PTPRD: variants seen among roughly 807,000 people sequenced by gnomAD.
PTPRD encodes receptor-type tyrosine-protein phosphatase delta.
A neutral mutation model predicts 214.5 loss-of-function variants in PTPRD; 34 were observed. The ratio of observed to expected loss-of-function variants is 0.16; its 90% CI spans 0.12 to 0.21. The LOEUF is 0.21. Among genes scored for constraint, PTPRD ranks in the 10% least tolerant of loss-of-function variants. The pLI, the probability that PTPRD is intolerant of heterozygous loss-of-function variation, is 1.00. For synonymous variants in PTPRD, 1,128 were observed against 845.7 expected (o/e 1.33, Z -5.79); for missense variants, 2,545 against 2,398.7 (o/e 1.06, Z -1.27).
At chr9:9,601,563 T>C (rs2154337903) in intron 7 of PTPRD, among the ~76,000 whole-genome samples, 1 of 152,198 alleles carries the variant, frequency 6.6e-6, no homozygotes, top group East Asian at 1.9e-4. Context: ...GTTAGAGATA[T>C]TTAGATCAGC....
chr9:8,560,001 A>G (rs972258368), intron 14 of PTPRD, among the ~76,000 whole-genome samples: 11 of 152,226 alleles, frequency 7.2e-5, no homozygotes, highest in African/African-American at 2.7e-4. Flanking sequence ...TGTATCATTA[A>G]GAGGAATTTC....
In PTPRD at chr9:10,155,510, C is replaced by T. The variant is rs543309931; in HGVS notation, c.-544-121720G>A. The stretch of plus-strand genomic sequence containing the variant: ...TTGAATAGAAGAGATGAGAGAGGGA[C>T]TCCTTGTCTTGTGACAGTTTTCAAG... On this transcript the variant is annotated intron_variant, in intron 3 of 45. Transcript: ENST00000381196. Among the ~76,000 whole-genome samples the T allele has an allele frequency of 1.3e-5, 2 of 152,236 alleles. 1 individual carries two copies. The highest frequency in any genetic ancestry group is 1.3e-4 in the Admixed American group (2 of 15,278).
intron 11 of PTPRD, among the ~76,000 whole-genome samples, chr9:8,738,324 T>A (rs1476883800): frequency 6.6e-6 from 1 of 152,206 alleles, no homozygotes; most frequent in African/African-American, 2.4e-5. Context: ...AATAAGTATA[T>A]TCATATTCAA....
At chr9:10,075,081 A>C (rs1397735430) in intron 3 of PTPRD, among the ~76,000 whole-genome samples, 1 of 152,120 alleles carries the variant, frequency 6.6e-6, no homozygotes, top group Non-Finnish European at 1.5e-5. Context: ...TTATTGATGC[A>C]AATATTGATA....
intron 12 of PTPRD, among the ~76,000 whole-genome samples, chr9:8,651,318 GGTTCTATGCTCGGGCTCTGAAGGCAT>G (rs1250234816): frequency 3.3e-5 from 5 of 152,064 alleles, no homozygotes; most frequent in Admixed American, 3.3e-4. Context: ...CATGACAACT[GGTTCTATGCTCGGGCTCTGAAGGCAT>G]GTACAAGCAA....
intron 3 of PTPRD, among the ~76,000 whole-genome samples, chr9:10,080,438 T>C (rs2098217678): frequency 6.6e-6 from 1 of 152,038 alleles, no homozygotes; most frequent in Admixed American, 6.6e-5. Flanking sequence ...TGTAATCCAA[T>C]CATGACACAA....
At chr9:8,847,843 T>A (rs2097729190) in intron 11 of PTPRD, among the ~76,000 whole-genome samples, 1 of 152,194 alleles carries the variant, frequency 6.6e-6, no homozygotes, top group African/African-American at 2.4e-5. Context: ...GACATTATAA[T>A]TAACAAAAGT....
At chr9:10,086,585 A>G (rs1444589488) in intron 3 of PTPRD, among the ~76,000 whole-genome samples, 1 of 151,812 alleles carries the variant, frequency 6.6e-6, no homozygotes, top group Non-Finnish European at 1.5e-5. Context: ...TCCTCATTTT[A>G]GGCAAGCAAA....
intron 11 of PTPRD, among the ~76,000 whole-genome samples, chr9:8,944,605 G>T (rs73425760): frequency 0.14 from 21,529 of 151,928 alleles, 1,899 homozygotes; most frequent in Non-Finnish European, 0.2. Context: ...TTTGCAACAA[G>T]GATGGAACTA....
intron 8 of PTPRD, among the ~76,000 whole-genome samples, chr9:9,413,948 T>C (rs1313381651): frequency 6.6e-6 from 1 of 152,214 alleles, no homozygotes; most frequent in Non-Finnish European, 1.5e-5. Context: ...TGAATCCACA[T>C]TTATAAAACT....
chr9:9,026,122 A>G (rs1181013128), intron 10 of PTPRD, among the ~76,000 whole-genome samples: 1 of 65,862 alleles, frequency 1.5e-5, no homozygotes, highest in Non-Finnish European at 4.0e-5. Flanking sequence ...GAGGATAGTC[A>G]GGAAGGCCTT....
intron 33 of PTPRD, among the ~76,000 whole-genome samples, chr9:8,459,847 T>C (rs1339457365): frequency 2.6e-5 from 4 of 152,136 alleles, no homozygotes; most frequent in Admixed American, 2.6e-4. Flanking sequence ...AGATGTGGAA[T>C]AAGAGTTAGA....
intron 2 of PTPRD, among the ~76,000 whole-genome samples, chr9:10,420,210 T>A (rs556833262): frequency 6.6e-6 from 1 of 151,860 alleles, no homozygotes; most frequent in Non-Finnish European, 1.5e-5. Flanking sequence ...ACAAATTGCA[T>A]GTATAATAAT....
chr9:8,644,388 C>G (rs1001667110), intron 12 of PTPRD, among the ~76,000 whole-genome samples: 24 of 152,332 alleles, frequency 1.6e-4, no homozygotes, highest in African/African-American at 5.3e-4. Flanking sequence ...TCTTGCTCAT[C>G]CTCCACTTGT....
chr9:9,877,226 G>A (rs1565945105), intron 5 of PTPRD, among the ~76,000 whole-genome samples: 2 of 152,114 alleles, frequency 1.3e-5, no homozygotes. Flanking sequence ...GGTAATGCAG[G>A]TAATTCTATA....
chr9:9,182,583 T>C (rs2099928828), intron 10 of PTPRD, among the ~76,000 whole-genome samples: 1 of 152,020 alleles, frequency 6.6e-6, no homozygotes, highest in African/African-American at 2.4e-5. Flanking sequence ...GAATTATCTT[T>C]GTAGGATTAG....
intron 3 of PTPRD, among the ~76,000 whole-genome samples, chr9:10,090,814 G>A (rs931788692): frequency 6.8e-6 from 1 of 147,994 alleles, no homozygotes; most frequent in Admixed American, 6.9e-5. Flanking sequence ...TTTTCTTAGT[G>A]AACTATAAAA....
chr9:10,586,625 T>G (rs1318832203), intron 2 of PTPRD, among the ~76,000 whole-genome samples: 1 of 152,076 alleles, frequency 6.6e-6, no homozygotes, highest in Non-Finnish European at 1.5e-5. Flanking sequence ...CAGGTTTGCT[T>G]GCGGGCATAA....
chr9:9,284,361 G>A (rs1948708472), intron 9 of PTPRD, among the ~76,000 whole-genome samples: 1 of 151,598 alleles, frequency 6.6e-6, no homozygotes, highest in Non-Finnish European at 1.5e-5. Context: ...CTGGAGTCAT[G>A]AATAGACTCC....
Sources: allele counts gnomAD v4.1 joint callset (sites outside exome capture counted in the v4.1 genomes callset), GRCh38; gene constraint gnomAD v4.1.1; transcripts MANE v1.5; gene names NCBI Gene and HGNC (gene_info 2026-07-23, HGNC 2026-07-21).